HPSE2: variants seen among roughly 807,000 people sequenced by gnomAD.
HPSE2 encodes inactive heparanase-2.
In HPSE2, 38 loss-of-function variants were observed where a neutral mutation model predicts 60.5. That is an observed-to-expected ratio of 0.63 (90% CI 0.48 to 0.82). HPSE2 has a LOEUF of 0.82. Among genes scored for constraint, HPSE2 ranks in the 40% least tolerant of loss-of-function variants. The pLI is 0.00. For missense variants in HPSE2, 713 were observed against 740.4 expected (o/e 0.96, Z 0.43); for synonymous variants, 295 against 293.2 (o/e 1.01, Z -0.06).
At chr10:98,959,666 T>C (rs921040040) in intron 3 of HPSE2, among the ~76,000 whole-genome samples, 1 of 152,260 alleles carries the variant, frequency 6.6e-6, no homozygotes, top group Non-Finnish European at 1.5e-5. Context: ...CATCTGCATT[T>C]GAAAAGGCAT....
chr10:99,190,341 G>A (rs1285283792), intron 2 of HPSE2, among the ~76,000 whole-genome samples: 4 of 152,036 alleles, frequency 2.6e-5, no homozygotes, highest in South Asian at 2.1e-4. Context: ...CTTAGTTTCC[G>A]TATCTATCTA....
chr10:99,184,820 A>ATATATATATATATATACC (rs1847935893), intron 2 of HPSE2, among the ~76,000 whole-genome samples: 1 of 13,128 alleles, frequency 7.6e-5, no homozygotes, highest in Non-Finnish European at 2.3e-4. Flanking sequence ...ATATATATAT[A>ATATATATATATATATACC]GAGAGAGAGA....
chr10:98,625,868 C>A (rs142918465), intron 7 of HPSE2, among the ~76,000 whole-genome samples: 1 of 151,920 alleles, frequency 6.6e-6, no homozygotes, highest in South Asian at 2.1e-4. Flanking sequence ...TTTGGGAGGC[C>A]GAGGTGGGCG....
intron 3 of HPSE2, among the ~76,000 whole-genome samples, chr10:99,098,109 A>G (rs1843785111): frequency 2.0e-5 from 3 of 152,256 alleles, no homozygotes; most frequent in Admixed American, 6.5e-5. Context: ...AAGTCTATAC[A>G]GTTAGTCCTA....
intron 6 of HPSE2, among the ~76,000 whole-genome samples, chr10:98,656,381 A>C (rs1947063781): frequency 6.6e-6 from 1 of 152,068 alleles, no homozygotes; most frequent in Non-Finnish European, 1.5e-5. Flanking sequence ...CACCATGCCC[A>C]GCCTTGAGTT....
chr10:98,864,575 T>A (rs977263659), intron 3 of HPSE2, among the ~76,000 whole-genome samples: 2 of 152,172 alleles, frequency 1.3e-5, no homozygotes, highest in Non-Finnish European at 2.9e-5. Context: ...AATAAAGTTA[T>A]CCAGTTCATT....
rs187273035 is a variant in HPSE2 at position 98,805,944 on chromosome 10, C to T, written c.611-61888G>A. ...AATGGAGAAGGAAAAGATCAGAAAA[C>T]CCAAAATCTATATAGAGAATGTAAG... is the stretch of plus-strand genomic sequence containing the variant. On this transcript the variant is annotated intron_variant, in intron 3 of 11. Transcript: ENST00000370552. Among the ~76,000 whole-genome samples, 7 of 152,106 alleles carry T rather than the reference C, an allele frequency of 4.6e-5. No homozygotes were observed. The East Asian group carries it at 1.2e-3, about 25-fold the overall frequency.
intron 3 of HPSE2, among the ~76,000 whole-genome samples, chr10:98,976,224 T>C (rs1306558694): frequency 1.3e-5 from 2 of 152,130 alleles, no homozygotes; most frequent in South Asian, 2.1e-4. Context: ...TATACATATA[T>C]ATATTTACTA....
intron 3 of HPSE2, among the ~76,000 whole-genome samples, chr10:98,982,579 T>C (rs917965069): frequency 6.6e-6 from 1 of 152,170 alleles, no homozygotes; most frequent in African/African-American, 2.4e-5. Flanking sequence ...AAAACAGATA[T>C]GGCTTTCTAA....
Position 98,710,822 on chromosome 10 carries a change from A to C in HPSE2, c.956+10835T>G, listed in dbSNP as rs150152155. ...CATGTGGTATTGTTCCTTTTTGCTG[A>C]GCCTATAGTAAGAGAGCTCAATACT... On this transcript the variant is annotated intron_variant, in intron 5 of 11. Transcript: ENST00000370552. Among the ~76,000 whole-genome samples, 168 of 152,200 alleles carry C rather than the reference A, an allele frequency of 1.1e-3. 1 individual carries two copies. Among genetic ancestry groups the C allele is most frequent in the African/African-American group, 3.9e-3 (163 of 41,556 alleles).
chr10:98,895,885 T>G (rs1953474268), intron 3 of HPSE2, among the ~76,000 whole-genome samples: 1 of 128,480 alleles, frequency 7.8e-6, no homozygotes, highest in East Asian at 2.3e-4. Flanking sequence ...AATTGAACAA[T>G]GAGAACACAT....
chr10:98,848,866 T>C (rs1460859891), intron 3 of HPSE2, among the ~76,000 whole-genome samples: 1 of 152,196 alleles, frequency 6.6e-6, no homozygotes. Context: ...GTCCTTACCC[T>C]TGCTGCTTTC....
Position 99,054,813 on chromosome 10 carries a change from C to T in HPSE2, c.610+89425G>A, listed in dbSNP as rs546507734. 3.9e-5 allele frequency among the ~76,000 whole-genome samples: 6 copies of T among 152,268 alleles called. No individual in the cohort carries two copies. In the East Asian group the frequency reaches 5.8e-4, roughly 15 times the overall value. On this transcript the variant is annotated intron_variant, in intron 3 of 11. Transcript: ENST00000370552. ...GCAACCTCCGCCTCTTGGGTTCAAA[C>T]GATTCTCCTGCCTCAGCCTCTTGAG...
At chr10:99,298,814 ACAGG>A in the HPSE2 span, among the ~76,000 whole-genome samples, 32 of 152,166 alleles carry the variant, frequency 2.1e-4, no homozygotes, top group East Asian at 6.2e-3. Context: ...AGCTGGGACT[ACAGG>A]CATGTGCCAC....
chr10:98,748,789 A>C (rs1175802017), intron 3 of HPSE2, among the ~76,000 whole-genome samples: 1 of 152,164 alleles, frequency 6.6e-6, no homozygotes, highest in African/African-American at 2.4e-5. Context: ...CCAGATATGC[A>C]GTCTTAAGGA....
intron 3 of HPSE2, among the ~76,000 whole-genome samples, chr10:98,772,410 T>C (rs1565152601): frequency 1.3e-5 from 2 of 152,164 alleles, no homozygotes; most frequent in Non-Finnish European, 2.9e-5. Context: ...AATTTGCAGA[T>C]CCAGAACCCT....
At chr10:98,743,527 T>A (rs1234600673) in intron 4 of HPSE2, among the ~76,000 whole-genome samples, 2 of 152,228 alleles carry the variant, frequency 1.3e-5, no homozygotes, top group Non-Finnish European at 2.9e-5. Flanking sequence ...GATCATCTTG[T>A]AGGACCAATG....
chr10:98,675,038 C>T (rs765898712), intron 6 of HPSE2, among the ~76,000 whole-genome samples: 5 of 152,152 alleles, frequency 3.3e-5, no homozygotes, highest in South Asian at 2.1e-4. Context: ...TTATAAAAAA[C>T]GTATTAAACA....
intron 3 of HPSE2, among the ~76,000 whole-genome samples, chr10:99,043,591 G>C (rs540017751): frequency 2.6e-5 from 4 of 152,304 alleles, no homozygotes; most frequent in Admixed American, 2.6e-4. Flanking sequence ...TCAAGATTCA[G>C]GAGAAAGTTG....
Sources: gnomAD v4.1 joint callset for allele counts (sites outside exome capture counted in the v4.1 genomes callset) on GRCh38, gnomAD v4.1.1 for gene constraint, MANE v1.5 for transcripts, NCBI Gene and HGNC (gene_info 2026-07-23, HGNC 2026-07-21) for gene names.